UTRN: variants seen among roughly 807,000 people sequenced by gnomAD.
UTRN encodes dystrophin-related protein 1.
In UTRN, 283 loss-of-function variants were observed where a neutral mutation model predicts 463.9. The ratio of observed to expected loss-of-function variants is 0.61; its 90% CI spans 0.55 to 0.67. The LOEUF (loss-of-function observed/expected upper bound fraction) is 0.67, where lower values mean the gene tolerates loss of function less well. Ranked by LOEUF, UTRN falls within the 30% of genes least tolerant of loss-of-function variation. UTRN has a pLI of 0.00. For missense variants in UTRN, 3,922 were observed against 4,084.3 expected, an observed-to-expected ratio of 0.96 and a Z score of 1.08; for synonymous variants, 1,442 against 1,431.5, an observed-to-expected ratio of 1.01 and a Z score of -0.17.
intron 3 of UTRN, among the ~76,000 whole-genome samples, chr6:144,406,998 G>A (rs1783481498): frequency 6.6e-6 from 1 of 151,578 alleles, no homozygotes; most frequent in Non-Finnish European, 1.5e-5. Context: ...ATCTCTTCCT[G>A]GCCAGCTCCT....
At chr6:144,688,947 G>A (rs1252899210) in intron 52 of UTRN, among the ~76,000 whole-genome samples, 2 of 152,100 alleles carry the variant, frequency 1.3e-5, no homozygotes, top group South Asian at 2.1e-4. Context: ...AGGCAGCTAG[G>A]GGATCTCTCA....
intron 61 of UTRN, among the ~76,000 whole-genome samples, chr6:144,785,554 G>GT (rs565538503): frequency 1.5e-3 from 231 of 152,112 alleles, no homozygotes; most frequent in African/African-American, 5.2e-3. Flanking sequence ...TAAGTGAACA[G>GT]TTTTTTTCCA....
At chr6:144,534,413 A>C (rs188397857) in intron 43 of UTRN, among the ~76,000 whole-genome samples, 48 of 152,314 alleles carry the variant, frequency 3.2e-4, no homozygotes, top group African/African-American at 1.1e-3. Context: ...TCTCAATATT[A>C]TGCTGTACGA....
At position 144,509,819 on chromosome 6, in the gene UTRN, A is replaced by T. The variant is rs1395890022; in HGVS notation, c.4765-1125A>T. Among the ~76,000 whole-genome samples, 4 of 152,134 alleles carry T rather than the reference A, an allele frequency of 2.6e-5. No homozygotes were observed. The East Asian group carries it at 7.7e-4, about 29-fold the overall frequency. On this transcript the variant is annotated intron_variant, in intron 34 of 74. Coordinates refer to ENST00000367545, the MANE Select transcript of UTRN (RefSeq NM_007124.3). ...TTTTTTACTGTAAAAAAGTATGTGT[A>T]CTATTTAGATGTAATTACTTGTAGT...
In UTRN at chr6:144,587,306, A is replaced by G. The variant is rs549816214; in HGVS notation, c.7479+10018A>G. ...ACTACTTCTGAATATTCTGTGAAAA[A>G]TAGAAGAGACCAGAAGATTCCACCT... is the stretch of plus-strand genomic sequence containing the variant. On this transcript the variant is annotated intron_variant, in intron 51 of 74. Transcript: ENST00000367545. 3.3e-5 allele frequency among the ~76,000 whole-genome samples: 5 copies of G among 152,286 alleles called. No individual in the cohort carries two copies. The East Asian group carries it at 7.7e-4, about 24-fold the overall frequency.
intron 19 of UTRN, among the ~76,000 whole-genome samples, 174 bp from the exon 20 acceptor site, chr6:144,458,596 C>G (rs1789103974): frequency 6.6e-6 from 1 of 152,130 alleles, no homozygotes; most frequent in Non-Finnish European, 1.5e-5. Context: ...AAATAAACAT[C>G]ATTATTTTTA....
intron 51 of UTRN, among the ~76,000 whole-genome samples, chr6:144,669,777 A>G (rs998714254): frequency 3.3e-5 from 5 of 152,020 alleles, no homozygotes; most frequent in African/African-American, 9.7e-5. Context: ...CCATTATACC[A>G]TTCTTATGAC....
intron 51 of UTRN, among the ~76,000 whole-genome samples, chr6:144,603,177 A>G (rs1045814485): frequency 6.6e-6 from 1 of 152,192 alleles, no homozygotes; most frequent in Non-Finnish European, 1.5e-5. Context: ...GGCAGTGGTA[A>G]ACATTCTGTT....
chr6:144,401,639 TCTCCAATTAC>T (rs1782944349), intron 2 of UTRN, among the ~76,000 whole-genome samples: 2 of 152,246 alleles, frequency 1.3e-5, no homozygotes, highest in South Asian at 4.1e-4. Context: ...TTGGAGTTGG[TCTCCAATTAC>T]CTTTATGGAT....
intron 55 of UTRN, among the ~76,000 whole-genome samples, chr6:144,749,111 T>C (rs1791088836): frequency 2.0e-5 from 3 of 152,148 alleles, no homozygotes; most frequent in Non-Finnish European, 4.4e-5. Flanking sequence ...TAGTAAGGAA[T>C]TGCCCAAAGC....
chr6:144,553,983 G>T (rs1037348915), intron 48 of UTRN, among the ~76,000 whole-genome samples: 2 of 151,260 alleles, frequency 1.3e-5, no homozygotes, highest in African/African-American at 4.9e-5. Context: ...AATAGAGAAA[G>T]GAGAAGAGAG....
intron 2 of UTRN, among the ~76,000 whole-genome samples, chr6:144,334,855 T>C (rs1338087821): frequency 2.0e-5 from 3 of 152,208 alleles, no homozygotes; most frequent in African/African-American, 7.2e-5. Context: ...TTTTACTTTG[T>C]GTCCTGAAAC....
At chr6:144,845,699 T>C (rs1354497805) in intron 73 of UTRN, among the ~76,000 whole-genome samples, 1 of 152,172 alleles carries the variant, frequency 6.6e-6, no homozygotes, top group Admixed American at 6.5e-5. Context: ...TATGGTGTAC[T>C]TAATAATAAT....
chr6:144,743,000 T>A (rs2128720089), intron 54 of UTRN, among the ~76,000 whole-genome samples: 1 of 152,214 alleles, frequency 6.6e-6, no homozygotes, highest in South Asian at 2.1e-4. Flanking sequence ...TTCACAATAG[T>A]TTTTTTGTAA....
chr6:144,432,349 T>G (rs886420229), intron 9 of UTRN, among the ~76,000 whole-genome samples: 1 of 151,994 alleles, frequency 6.6e-6, no homozygotes, highest in Non-Finnish European at 1.5e-5. Context: ...AAAATACAAC[T>G]CTCTGTCTCT....
In UTRN at chr6:144,447,609, A is replaced by G; in HGVS notation, c.1730A>G (p.Lys577Arg). The change falls in exon 16 of 75, where the codon AAG becomes AGG. Residue 577 changes from lysine (K) to arginine (R), a missense_variant. Transcript: ENST00000367545. ...AAATATCTGAAATACTAGATTTTGA[A>G]GGAAGACATGGAAATGAAGCGTCAA... is the stretch of plus-strand genomic sequence containing the variant. Reference protein sequence around the residue: ...SVSVRRLAILKEDMEMKRQTL... With the variant: ...SVSVRRLAILREDMEMKRQTL... 6.2e-7 allele frequency: 1 copy of G among 1,612,524 alleles called. No homozygotes were observed.
chr6:144,322,067 C>T (rs1362927420), intron 2 of UTRN, among the ~76,000 whole-genome samples: 3 of 152,190 alleles, frequency 2.0e-5, no homozygotes, highest in Non-Finnish European at 4.4e-5. Context: ...TGCCCATACT[C>T]TTAATCACTA....
At chr6:144,396,794 C>A (rs1326675983) in intron 2 of UTRN, among the ~76,000 whole-genome samples, 3 of 151,958 alleles carry the variant, frequency 2.0e-5, no homozygotes, top group Non-Finnish European at 4.4e-5. Flanking sequence ...TGGCACCATC[C>A]AACTGCATGT....
intron 23 of UTRN, among the ~76,000 whole-genome samples, chr6:144,466,685 C>G (rs1426529565): frequency 2.6e-5 from 4 of 152,118 alleles, no homozygotes; most frequent in African/African-American, 4.8e-5. Context: ...TTATAAAATC[C>G]TAAGAGGCTG....
Sources: allele counts gnomAD v4.1 joint callset (sites outside exome capture counted in the v4.1 genomes callset), GRCh38; gene constraint gnomAD v4.1.1; transcripts MANE v1.5; gene names NCBI Gene and HGNC (gene_info 2026-07-23, HGNC 2026-07-21).